SH3BP5: variants seen among roughly 807,000 people sequenced by gnomAD.
SH3BP5 encodes the protein SH3 domain-binding protein 5.
In SH3BP5, 22 loss-of-function variants were observed where a neutral mutation model predicts 43.3. The observed-to-expected ratio is 0.51, with a 90% CI of 0.36 to 0.73. The LOEUF (loss-of-function observed/expected upper bound fraction) is 0.73, where lower values mean the gene tolerates loss of function less well. SH3BP5 is among the 30% of genes least tolerant of loss of function. The pLI, the probability that SH3BP5 is intolerant of heterozygous loss-of-function variation, is 0.00. For missense variants in SH3BP5, 529 were observed against 586.9 expected (o/e 0.90, Z 1.02); for synonymous variants, 255 against 225.8 (o/e 1.13, Z -1.16).
rs187817785 is a variant in SH3BP5 at position 15,306,220 on chromosome 3, A to G, written c.202-1989T>C. On this transcript the variant is annotated intron_variant, in intron 2 of 8. Coordinates refer to ENST00000383791, the MANE Select transcript of SH3BP5 (RefSeq NM_004844.5). ...AAATACAAAAAAAAATTAGCCAGGT[A>G]TGGTGGTGGGCACCTGTAGTCCCAG... is the stretch of plus-strand genomic sequence containing the variant. 2.0e-3 allele frequency among the ~76,000 whole-genome samples: 305 copies of G among 152,156 alleles called. 2 individuals are homozygous for G. The highest frequency in any genetic ancestry group is 3.8e-3 in the Admixed American group (58 of 15,294).
chr3:15,285,767 A>C (rs1402123928), intron 3 of SH3BP5, among the ~76,000 whole-genome samples: 2 of 152,040 alleles, frequency 1.3e-5, no homozygotes, highest in East Asian at 3.9e-4. Context: ...TTCTCTTCCC[A>C]CCTCCTCCAC....
At chr3:15,289,884 C>G (rs892395014) in intron 3 of SH3BP5, among the ~76,000 whole-genome samples, 2 of 152,190 alleles carry the variant, frequency 1.3e-5, no homozygotes, top group African/African-American at 4.8e-5. Context: ...AACAGACACC[C>G]CCCCTTCTCT....
chr3:15,307,546 G>A lies in SH3BP5; in HGVS notation c.202-3315C>T, dbSNP rs144402400. 3.6e-3 allele frequency among the ~76,000 whole-genome samples: 546 copies of A among 152,328 alleles called. 4 individuals are homozygous for A. The highest frequency in any genetic ancestry group is 0.012 in the African/African-American group (512 of 41,572). ...AGGGAGGGCTCTTAGAAGGAATCAAGGAGAATACAAATGTAAAACATTTAA... is the reference window on the plus strand; with the variant it reads ...AGGGAGGGCTCTTAGAAGGAATCAAAGAGAATACAAATGTAAAACATTTAA... On this transcript the variant is annotated intron_variant, in intron 2 of 8. Coordinates refer to ENST00000383791, the MANE Select transcript of SH3BP5 (RefSeq NM_004844.5).
intron 2 of SH3BP5, among the ~76,000 whole-genome samples, chr3:15,314,766 T>C (rs1190899776): frequency 6.6e-6 from 1 of 152,168 alleles, no homozygotes; most frequent in Non-Finnish European, 1.5e-5. Flanking sequence ...ATCTTCAAGT[T>C]GGGGAGAACT....
chr3:15,276,583 T>C (rs1696976358), intron 3 of SH3BP5, among the ~76,000 whole-genome samples: 1 of 152,174 alleles, frequency 6.6e-6, no homozygotes, highest in East Asian at 1.9e-4. Flanking sequence ...TGCTACCTCC[T>C]GCCTGCGGCT....
chr3:15,311,617 TAA>T (rs1698060311), intron 2 of SH3BP5, among the ~76,000 whole-genome samples: 2 of 152,148 alleles, frequency 1.3e-5, no homozygotes, highest in African/African-American at 2.4e-5. Flanking sequence ...TGTCTTTGCA[TAA>T]AGTCACAGGA....
chr3:15,307,872 G>A (rs548977282), intron 2 of SH3BP5, among the ~76,000 whole-genome samples: 27 of 152,326 alleles, frequency 1.8e-4, no homozygotes, highest in African/African-American at 6.3e-4. Context: ...GCCTACAGCC[G>A]GTCACATCAA....
chr3:15,290,967 C>T (rs1697396263), intron 3 of SH3BP5, among the ~76,000 whole-genome samples: 1 of 152,048 alleles, frequency 6.6e-6, no homozygotes, highest in Non-Finnish European at 1.5e-5. Context: ...GCTGAGGAAC[C>T]CACATTCCAG....
intron 3 of SH3BP5, among the ~76,000 whole-genome samples, chr3:15,270,116 AAC>A (rs1313745888): frequency 6.6e-6 from 1 of 152,192 alleles, no homozygotes; most frequent in African/African-American, 2.4e-5. Context: ...GGATGAGATA[AAC>A]ACATCAGCCC....
rs185411170 is a variant in SH3BP5, at chr3:15,278,089, G to A, written c.331-8212C>T. ...GCTGGAGGAATCTCACCCCCACAGG[G>A]CCCGGGGCAAGGCCCCTGCTCGATG... On this transcript the variant is annotated intron_variant, in intron 3 of 8. Transcript: ENST00000383791. 4.8e-3 allele frequency among the ~76,000 whole-genome samples: 732 copies of A among 152,338 alleles called. 13 individuals are homozygous for A. The highest frequency in any genetic ancestry group is 0.017 in the African/African-American group (708 of 41,572).
chr3:15,307,736 C>T (rs765732159), intron 2 of SH3BP5, among the ~76,000 whole-genome samples: 8 of 152,350 alleles, frequency 5.3e-5, no homozygotes, highest in South Asian at 2.1e-4. Flanking sequence ...TGCAGGCAGC[C>T]GCTCTGCAAG....
chr3:15,272,520 T>G (rs1003882580), intron 3 of SH3BP5, among the ~76,000 whole-genome samples: 10 of 138,598 alleles, frequency 7.2e-5, no homozygotes, highest in African/African-American at 2.5e-4. Context: ...AGGAAGGATT[T>G]GAGACTCTAA....
At chr3:15,256,349 C>T in intron 8 of SH3BP5, 46 bp from the exon 9 acceptor site, 2 of 1,560,212 alleles carry the variant, frequency 1.3e-6, no homozygotes, top group Non-Finnish European at 1.8e-6. Flanking sequence ...GACAATTCTG[C>T]CCTGTCTCCT....
At chr3:15,264,610 TAGG>T (rs1184320308) in intron 4 of SH3BP5, 3 of 152,016 alleles carry the variant, frequency 2.0e-5, no homozygotes, top group Non-Finnish European at 4.4e-5. Context: ...AGAAGAAAAA[TAGG>T]AGAGAACTGA....
chr3:15,298,210 C>G (rs1697630644), intron 3 of SH3BP5, among the ~76,000 whole-genome samples: 1 of 152,092 alleles, frequency 6.6e-6, no homozygotes, highest in South Asian at 2.1e-4. Context: ...TCAAGCAGTC[C>G]TCCCGCCTTG....
intron 5 of SH3BP5, chr3:15,260,084 G>A (rs1696378454): frequency 2.1e-6 from 1 of 480,748 alleles, no homozygotes; most frequent in Non-Finnish European, 3.8e-6. Context: ...CTGCAACTTA[G>A]CTCATGTTCC....
intron 2 of SH3BP5, among the ~76,000 whole-genome samples, chr3:15,329,360 C>T (rs540186097): frequency 1.4e-4 from 21 of 152,176 alleles, no homozygotes; most frequent in Non-Finnish European, 2.5e-4. Flanking sequence ...TCAGTTACCC[C>T]ACATCACAGA....
At chr3:15,286,252 G>A (rs772762457) in intron 3 of SH3BP5, among the ~76,000 whole-genome samples, 12 of 152,198 alleles carry the variant, frequency 7.9e-5, no homozygotes, top group African/African-American at 2.7e-4. Context: ...CAGGGCCAGG[G>A]TAGCAGCTCC....
At chr3:15,296,341 T>TACACACACACACAC (rs141504303) in intron 3 of SH3BP5, among the ~76,000 whole-genome samples, 289 of 146,256 alleles carry the variant, frequency 2.0e-3, no homozygotes, top group African/African-American at 6.9e-3. Context: ...GGAAATCATA[T>TACACACACACACAC]ACACACACAC....
Sources: gnomAD v4.1 joint callset for allele counts (sites outside exome capture counted in the v4.1 genomes callset) on GRCh38, gnomAD v4.1.1 for gene constraint, MANE v1.5 for transcripts, NCBI Gene and HGNC (gene_info 2026-07-23, HGNC 2026-07-21) for gene names.